RNF150: variants seen among roughly 807,000 people sequenced by gnomAD.
RNF150 encodes ring finger protein 150.
RNF150 carries 24 observed loss-of-function variants against 39.3 expected under a neutral mutation model. That is an observed-to-expected ratio of 0.61 (90% CI 0.44 to 0.86). RNF150 has a LOEUF of 0.86. Among genes scored for constraint, RNF150 ranks in the 40% least tolerant of loss-of-function variants. The pLI, the probability that RNF150 is intolerant of heterozygous loss-of-function variation, is 0.00. For missense variants in RNF150, 502 were observed against 587.8 expected, an observed-to-expected ratio of 0.85 and a Z score of 1.51; for synonymous variants, 255 against 227.3, an observed-to-expected ratio of 1.12 and a Z score of -1.10.
At chr4:140,873,416 C>T (rs944814812) in intron 6 of RNF150, among the ~76,000 whole-genome samples, 1 of 152,054 alleles carries the variant, frequency 6.6e-6, no homozygotes, top group Non-Finnish European at 1.5e-5. Flanking sequence ...GGTAATCCCC[C>T]CAAAGAGCCT....
At chr4:140,883,998 C>CTTGA (rs1729473071) in intron 6 of RNF150, among the ~76,000 whole-genome samples, 1 of 151,670 alleles carries the variant, frequency 6.6e-6, no homozygotes, top group South Asian at 2.1e-4. Flanking sequence ...GCTCTTATGA[C>CTTGA]TTGATAATTT....
At chr4:141,036,813 A>T (rs932902076) in intron 1 of RNF150, among the ~76,000 whole-genome samples, 6 of 152,318 alleles carry the variant, frequency 3.9e-5, no homozygotes, top group South Asian at 2.1e-4. Context: ...TTCAATATTT[A>T]AAAAAACACT....
chr4:141,172,196 T>G (rs1727740903), intron 1 of RNF150, among the ~76,000 whole-genome samples: 1 of 152,168 alleles, frequency 6.6e-6, no homozygotes, highest in Admixed American at 6.5e-5. Context: ...TGTACTTCTC[T>G]GTCTTCTGGG....
chr4:141,000,041 GA>G (rs879446289), intron 1 of RNF150, among the ~76,000 whole-genome samples: 1 of 63,340 alleles, frequency 1.6e-5, no homozygotes, highest in Non-Finnish European at 4.0e-5. Context: ...AGAAGAAGAA[GA>G]AGAAGAAGAA....
intron 6 of RNF150, among the ~76,000 whole-genome samples, chr4:140,886,329 G>T (rs999433821): frequency 1.3e-5 from 2 of 152,086 alleles, no homozygotes; most frequent in Non-Finnish European, 2.9e-5. Context: ...GTGTGTATGT[G>T]GTTGTGTTCA....
At chr4:140,886,539 A>T (rs1729584660) in intron 6 of RNF150, among the ~76,000 whole-genome samples, 1 of 152,196 alleles carries the variant, frequency 6.6e-6, no homozygotes, top group Non-Finnish European at 1.5e-5. Context: ...ATTCTTTGTT[A>T]GACATAGGTA....
intron 1 of RNF150, among the ~76,000 whole-genome samples, chr4:141,079,891 C>T (rs1738084491): frequency 1.3e-5 from 2 of 152,160 alleles, no homozygotes; most frequent in African/African-American, 4.8e-5. Flanking sequence ...GTTCAGTTCT[C>T]TTATAAGTAA....
intron 1 of RNF150, chr4:141,053,674 A>T: frequency 7.2e-7 from 1 of 1,390,436 alleles, no homozygotes; most frequent in Non-Finnish European, 9.4e-7. Flanking sequence ...ACCTGAGGAA[A>T]GGGAATATGG....
rs191508956 is a variant in RNF150 at position 140,982,789 on chromosome 4, C to T, written c.485-14916G>A. Among the ~76,000 whole-genome samples, 293 of 152,264 alleles carry T rather than the reference C, an allele frequency of 1.9e-3. 1 individual carries two copies. Among genetic ancestry groups the T allele is most frequent in the Non-Finnish European group, 2.1e-3 (140 of 68,008 alleles). On this transcript the variant is annotated intron_variant, in intron 1 of 6. Coordinates refer to ENST00000515673, the MANE Select transcript of RNF150 (RefSeq NM_020724.2). ...CTTTGCTTATCACTTTAGTTTACAA[C>T]TATGCATGCCTGCTGCATTAGCACA...
intron 1 of RNF150, among the ~76,000 whole-genome samples, chr4:141,177,527 T>C (rs180988177): frequency 4.6e-5 from 7 of 152,242 alleles, no homozygotes; most frequent in Non-Finnish European, 5.9e-5. Context: ...TGTACATTAA[T>C]ATCAAGCCTG....
chr4:140,874,926 A>G (rs1729091709), intron 6 of RNF150, among the ~76,000 whole-genome samples: 1 of 152,172 alleles, frequency 6.6e-6, no homozygotes, highest in South Asian at 2.1e-4. Context: ...TGGCCTCCCA[A>G]AATGCTGGGA....
intron 1 of RNF150, among the ~76,000 whole-genome samples, chr4:141,077,052 T>C (rs1737921650): frequency 6.6e-6 from 1 of 152,138 alleles, no homozygotes; most frequent in African/African-American, 2.4e-5. Flanking sequence ...TTTAGGGTTG[T>C]GGCACTTTTC....
At chr4:140,873,674 T>A (rs1452451817) in intron 6 of RNF150, among the ~76,000 whole-genome samples, 1 of 152,136 alleles carries the variant, frequency 6.6e-6, no homozygotes, top group Non-Finnish European at 1.5e-5. Flanking sequence ...CAGAAAATAC[T>A]GTATTTTATT....
At position 140,862,716 on chromosome 4, in the gene RNF150, A is replaced by C. The variant is rs1286983585; in HGVS notation, c.*5545T>G. 6.6e-6 allele frequency: 1 copy of C among 152,226 alleles called. No individual in the cohort carries two copies. The highest frequency in any genetic ancestry group is 1.9e-4 in the East Asian group (1 of 5,202). The allele number at this position is 152,226 out of a possible 1,614,324, so 9.4% of individuals were successfully genotyped here. On this transcript the variant is annotated 3_prime_UTR_variant, in exon 7 of 7. Coordinates refer to ENST00000515673, the MANE Select transcript of RNF150 (RefSeq NM_020724.2). ...AATTAATTTATTTTTCAGGCAATCC[A>C]GACCTTCTTTGCAATCATGAGTATT...
At chr4:141,004,911 T>C (rs1246468110) in intron 1 of RNF150, among the ~76,000 whole-genome samples, 1 of 152,128 alleles carries the variant, frequency 6.6e-6, no homozygotes, top group Non-Finnish European at 1.5e-5. Flanking sequence ...TCCTTTTTTA[T>C]TAAAAAAAGA....
chr4:140,923,357 GAC>G (rs1731241908), intron 5 of RNF150, among the ~76,000 whole-genome samples: 1 of 152,112 alleles, frequency 6.6e-6, no homozygotes, highest in African/African-American at 2.4e-5. Flanking sequence ...GCAGCCAAAA[GAC>G]ACATGAAAAA....
intron 6 of RNF150, among the ~76,000 whole-genome samples, chr4:140,880,987 TTG>T (rs1389686762): frequency 6.6e-6 from 1 of 152,030 alleles, no homozygotes; most frequent in Non-Finnish European, 1.5e-5. Flanking sequence ...CTTTATTCCA[TTG>T]TCTTTCTATT....
chr4:141,182,123 T>G (rs925990615), intron 1 of RNF150, among the ~76,000 whole-genome samples: 2 of 150,886 alleles, frequency 1.3e-5, no homozygotes, highest in African/African-American at 4.9e-5. Flanking sequence ...TTGACAAAAT[T>G]CAACAACCCT....
chr4:141,191,902 C>T (rs1478503246), intron 1 of RNF150, among the ~76,000 whole-genome samples: 2 of 130,760 alleles, frequency 1.5e-5, no homozygotes, highest in African/African-American at 5.6e-5. Flanking sequence ...GTTGTGGCCT[C>T]ATCATTTTTC....
Sources: allele counts gnomAD v4.1 joint callset (sites outside exome capture counted in the v4.1 genomes callset), GRCh38; gene constraint gnomAD v4.1.1; transcripts MANE v1.5; gene names NCBI Gene and HGNC (gene_info 2026-07-23, HGNC 2026-07-21).